NRG3: variants seen among roughly 807,000 people sequenced by gnomAD.
The protein encoded by NRG3 is pro-neuregulin-3, membrane-bound isoform.
NRG3 carries 31 observed loss-of-function variants against 66.9 expected under a neutral mutation model. The observed-to-expected ratio is 0.46, with a 90% CI of 0.35 to 0.63. The LOEUF (loss-of-function observed/expected upper bound fraction) is 0.63, where lower values mean the gene tolerates loss of function less well. NRG3 is among the 20% of genes least tolerant of loss of function. The pLI, the probability that NRG3 is intolerant of heterozygous loss-of-function variation, is 0.00. For synonymous variants in NRG3, 393 were observed against 359.4 expected (o/e 1.09, Z -1.06); for missense variants, 910 against 878.9 (o/e 1.04, Z -0.45).
chr10:82,367,439 T>C (rs1349886225), intron 2 of NRG3, among the ~76,000 whole-genome samples: 1 of 152,174 alleles, frequency 6.6e-6, no homozygotes, highest in East Asian at 1.9e-4. Flanking sequence ...ATATAGCACT[T>C]AGAACTTTAT....
intron 1 of NRG3, among the ~76,000 whole-genome samples, chr10:82,275,110 C>T (rs1402733882): frequency 6.6e-6 from 1 of 152,038 alleles, no homozygotes; most frequent in African/African-American, 2.4e-5. Context: ...AGCTCCAATA[C>T]AGCTTTGAAT....
chr10:82,592,900 T>A (rs1370255926), intron 2 of NRG3, among the ~76,000 whole-genome samples: 1 of 152,232 alleles, frequency 6.6e-6, no homozygotes, highest in African/African-American at 2.4e-5. Flanking sequence ...TCCTTTCTAA[T>A]GCTTGGGTGA....
In NRG3 at chr10:82,187,969, AC is replaced by A. The variant is rs202152663; in HGVS notation, c.824-170769del. ...TCTTCACAGAAATAGAAAAAAAAAA[AC>A]GTAAAATGTATATGGAACCACAAAA... On this transcript the variant is annotated intron_variant, in intron 1 of 8. Coordinates refer to ENST00000372141, the MANE Select transcript of NRG3 (RefSeq NM_001010848.4). Among the ~76,000 whole-genome samples the A allele has an allele frequency of 3.4e-3, 498 of 146,848 alleles. 2 individuals carry two copies. Among genetic ancestry groups the A allele is most frequent in the African/African-American group, 0.012 (473 of 40,192 alleles).
chr10:82,918,378 T>C (rs1056219505), intron 4 of NRG3, among the ~76,000 whole-genome samples: 1 of 152,158 alleles, frequency 6.6e-6, no homozygotes, highest in African/African-American at 2.4e-5. Flanking sequence ...TTTCTCAGCC[T>C]TGTTTTCTGG....
intron 1 of NRG3, among the ~76,000 whole-genome samples, chr10:82,188,678 A>C (rs1446066194): frequency 6.6e-6 from 1 of 152,162 alleles, no homozygotes; most frequent in Non-Finnish European, 1.5e-5. Context: ...AAGACCTACA[A>C]ATGGCAAACA....
intron 2 of NRG3, among the ~76,000 whole-genome samples, chr10:82,661,727 A>G (rs763884556): frequency 6.6e-6 from 1 of 152,238 alleles, no homozygotes; most frequent in Non-Finnish European, 1.5e-5. Flanking sequence ...ATTCATGATT[A>G]TAAAAGTCCC....
chr10:82,049,351 T>G (rs1461643693), intron 1 of NRG3, among the ~76,000 whole-genome samples: 1 of 152,084 alleles, frequency 6.6e-6, no homozygotes, highest in East Asian at 1.9e-4. Flanking sequence ...TCAAGTAGTT[T>G]CTATATAACA....
intron 2 of NRG3, among the ~76,000 whole-genome samples, chr10:82,423,301 G>C (rs1307898405): frequency 6.6e-6 from 1 of 151,870 alleles, no homozygotes; most frequent in East Asian, 1.9e-4. Flanking sequence ...TAGCATGTTA[G>C]CTTAAAATGA....
chr10:82,555,913 A>G (rs951432569), intron 2 of NRG3, among the ~76,000 whole-genome samples: 3 of 152,064 alleles, frequency 2.0e-5, no homozygotes, highest in Non-Finnish European at 4.4e-5. Flanking sequence ...CTATACCAAT[A>G]TTTCTCTAAG....
At chr10:82,079,617 G>C (rs1173543771) in intron 1 of NRG3, among the ~76,000 whole-genome samples, 2 of 152,078 alleles carry the variant, frequency 1.3e-5, no homozygotes, top group African/African-American at 4.8e-5. Flanking sequence ...TCTGTGCTCT[G>C]TCTATTCATC....
chr10:82,205,646 C>G (rs1179509414), intron 1 of NRG3, among the ~76,000 whole-genome samples: 1 of 152,088 alleles, frequency 6.6e-6, no homozygotes, highest in Non-Finnish European at 1.5e-5. Context: ...ACAGTCTTCA[C>G]CAATAGTGGA....
chr10:82,026,124 T>C (rs1589826870), intron 1 of NRG3, among the ~76,000 whole-genome samples: 1 of 152,148 alleles, frequency 6.6e-6, no homozygotes, highest in East Asian at 1.9e-4. Flanking sequence ...TTTTCTAGTT[T>C]TTCCTTTCCA....
chr10:82,645,881 C>G (rs2050895969), intron 2 of NRG3, among the ~76,000 whole-genome samples: 1 of 152,014 alleles, frequency 6.6e-6, no homozygotes. Flanking sequence ...AGCAACTTCT[C>G]TTCTCTCAGC....
chr10:82,823,194 G>A (rs938476564), intron 3 of NRG3, among the ~76,000 whole-genome samples: 3 of 152,154 alleles, frequency 2.0e-5, no homozygotes, highest in Non-Finnish European at 2.9e-5. Flanking sequence ...CCTGTGGAGA[G>A]AGGGCAAGTA....
intron 1 of NRG3, among the ~76,000 whole-genome samples, chr10:81,879,259 A>T (rs1841969052): frequency 1.3e-5 from 2 of 152,350 alleles, no homozygotes; most frequent in South Asian, 4.1e-4. Flanking sequence ...CACCAGAAAC[A>T]TCTTTGAAGC....
At chr10:82,700,779 T>C (rs995292847) in intron 2 of NRG3, among the ~76,000 whole-genome samples, 1 of 152,166 alleles carries the variant, frequency 6.6e-6, no homozygotes, top group Non-Finnish European at 1.5e-5. Flanking sequence ...AGTTTTAAAC[T>C]ATCTAGGAAG....
At chr10:82,049,565 TTTATG>T (rs1372996733) in intron 1 of NRG3, among the ~76,000 whole-genome samples, 17 of 138,078 alleles carry the variant, frequency 1.2e-4, no homozygotes, top group Admixed American at 1.1e-3. Flanking sequence ...TCCCCAAGAC[TTTATG>T]TTGTTTCTGC....
At chr10:81,918,568 G>C (rs2132839183) in intron 1 of NRG3, among the ~76,000 whole-genome samples, 1 of 152,148 alleles carries the variant, frequency 6.6e-6, no homozygotes, top group South Asian at 2.1e-4. Context: ...TTAGCAGTTA[G>C]TAATGAAGCA....
intron 3 of NRG3, among the ~76,000 whole-genome samples, chr10:82,822,741 A>T (rs560995776): frequency 6.6e-6 from 1 of 152,230 alleles, no homozygotes; most frequent in African/African-American, 2.4e-5. Flanking sequence ...GGCCAGTTCC[A>T]GTCCCCTCAC....
Sources: gnomAD v4.1 joint callset for allele counts (sites outside exome capture counted in the v4.1 genomes callset) on GRCh38, gnomAD v4.1.1 for gene constraint, MANE v1.5 for transcripts, NCBI Gene and HGNC (gene_info 2026-07-23, HGNC 2026-07-21) for gene names.